CASR: variants seen among roughly 807,000 people sequenced by gnomAD.
CASR encodes the protein calcium sensing receptor, also known as extracellular calcium-sensing receptor.
In CASR, 23 loss-of-function variants were observed where a neutral mutation model predicts 69.1. The ratio of observed to expected loss-of-function variants is 0.33; its 90% CI spans 0.24 to 0.47. The LOEUF (loss-of-function observed/expected upper bound fraction) is 0.47, where lower values mean the gene tolerates loss of function less well. Among genes scored for constraint, CASR ranks in the 20% least tolerant of loss-of-function variants. The pLI is 1.00. For synonymous variants in CASR, 541 were observed against 544.7 expected (o/e 0.99, Z 0.10); for missense variants, 924 against 1,356.1 (o/e 0.68, Z 5.00).
intron 1 of CASR, among the ~76,000 whole-genome samples, chr3:122,252,446 A>AAAGAAAGAAAGAAAGAAAGAAAG (rs1171805148): frequency 2.9e-4 from 29 of 98,818 alleles, no homozygotes; most frequent in African/African-American, 1.2e-3. Flanking sequence ...AGAAAGAAAG[A>AAAGAAAGAAAGAAAGAAAGAAAG]AAAAAAAGAA....
chr3:122,229,609 C>A (rs564468240), intron 1 of CASR, among the ~76,000 whole-genome samples: 19 of 151,104 alleles, frequency 1.3e-4, no homozygotes, highest in African/African-American at 4.1e-4. Context: ...CACCTGTAAT[C>A]CCAGCATTTT....
intron 1 of CASR, among the ~76,000 whole-genome samples, chr3:122,240,903 G>T (rs2074373290): frequency 6.6e-6 from 1 of 151,924 alleles, no homozygotes; most frequent in South Asian, 2.1e-4. Context: ...ACAATCACAT[G>T]GAATTTAAAC....
At chr3:122,206,274 T>A (rs944671281) in intron 1 of CASR, among the ~76,000 whole-genome samples, 1 of 151,648 alleles carries the variant, frequency 6.6e-6, no homozygotes, top group Admixed American at 6.6e-5. Flanking sequence ...GAGGGTTTTT[T>A]TTTTTATCAT....
rs2075010939 is a variant in CASR, at chr3:122,291,387, A to T, written c.*6196A>T. On this transcript the variant is annotated 3_prime_UTR_variant, in exon 7 of 7. Coordinates refer to ENST00000639785, the MANE Select transcript of CASR (RefSeq NM_000388.4). ...CCTATTTCTCCACATCCTCTCCAGCACCTGTTGTTTCCTGACTTTTTAATG... is the reference window on the plus strand; with the variant it reads ...CCTATTTCTCCACATCCTCTCCAGCTCCTGTTGTTTCCTGACTTTTTAATG... The T allele has an allele frequency of 6.6e-6, 1 of 151,454 alleles. No individual in the cohort carries two copies. Among genetic ancestry groups the T allele is most frequent in the Non-Finnish European group, 1.5e-5 (1 of 67,820 alleles). 9.4% of individuals were successfully genotyped at this position (151,454 alleles called of 1,614,324 possible).
chr3:122,261,509 T>G lies in CASR; in HGVS notation c.493-19T>G, dbSNP rs201735609. On this transcript the variant is annotated intron_variant, in intron 3 of 6. Transcript: ENST00000639785. ...CACTCACTCACTCACTCATTCACCA[T>G]GTTCTTGGTTCTCTCCAGGTCAGTT... The G allele has an allele frequency of 7.4e-6, 12 of 1,612,916 alleles. No homozygotes were observed. The highest frequency in any genetic ancestry group is 1.0e-5 in the Non-Finnish European group (12 of 1,179,258).
At chr3:122,255,695 A>G (rs964070953) in intron 2 of CASR, among the ~76,000 whole-genome samples, 13 of 152,356 alleles carry the variant, frequency 8.5e-5, no homozygotes, top group Non-Finnish European at 1.6e-4. Context: ...ATGTAAAAAA[A>G]ATCTGTAATA....
chr3:122,273,846 A>G (rs1437207818), intron 4 of CASR, among the ~76,000 whole-genome samples: 1 of 152,146 alleles, frequency 6.6e-6, no homozygotes. Context: ...ATGTGTCAGG[A>G]AAAGGATGTG....
intron 1 of CASR, among the ~76,000 whole-genome samples, chr3:122,227,387 CGT>C (rs1275898013): frequency 1.3e-5 from 2 of 152,300 alleles, no homozygotes; most frequent in East Asian, 3.9e-4. Context: ...AGCTAAGGCC[CGT>C]GAGAAGTCGA....
At chr3:122,248,917 CTT>C (rs1336897873) in intron 1 of CASR, among the ~76,000 whole-genome samples, 1 of 152,174 alleles carries the variant, frequency 6.6e-6, no homozygotes, top group Admixed American at 6.5e-5. Flanking sequence ...CGTAGCTACT[CTT>C]TGGACAACAA....
chr3:122,209,267 A>G (rs938976897), intron 1 of CASR, among the ~76,000 whole-genome samples: 3 of 152,254 alleles, frequency 2.0e-5, no homozygotes, highest in Non-Finnish European at 4.4e-5. Context: ...GCCCAGGACC[A>G]GAAGGATTTA....
chr3:122,233,244 G>A (rs1226334693), intron 1 of CASR, among the ~76,000 whole-genome samples: 1 of 152,210 alleles, frequency 6.6e-6, no homozygotes, highest in Non-Finnish European at 1.5e-5. Context: ...CCCTGTCGGT[G>A]AGACACCCCA....
At chr3:122,252,405 AGGAAAAAG>A (rs2074498899) in intron 1 of CASR, among the ~76,000 whole-genome samples, 1 of 10,144 alleles carries the variant, frequency 9.9e-5, no homozygotes, top group South Asian at 2.2e-3. Context: ...GAAGGAAGGA[AGGAAAAAG>A]AAAGAAAGAA....
At chr3:122,265,887 C>T (rs2074687621) in intron 4 of CASR, among the ~76,000 whole-genome samples, 1 of 152,152 alleles carries the variant, frequency 6.6e-6, no homozygotes, top group African/African-American at 2.4e-5. Flanking sequence ...CTAGGAATTC[C>T]TGGTACTGCT....
intron 5 of CASR, among the ~76,000 whole-genome samples, chr3:122,277,420 G>T (rs897191989): frequency 6.6e-6 from 1 of 152,068 alleles, no homozygotes; most frequent in Admixed American, 6.5e-5. Flanking sequence ...AGGTTGACAG[G>T]TTCCTGATGA....
intron 1 of CASR, among the ~76,000 whole-genome samples, chr3:122,202,113 C>G (rs2073960903): frequency 1.3e-5 from 2 of 152,104 alleles, no homozygotes; most frequent in South Asian, 4.1e-4. Flanking sequence ...CGCCACTGCA[C>G]TCCAGCCTGG....
chr3:122,231,149 C>G (rs894918759), intron 1 of CASR, among the ~76,000 whole-genome samples: 1 of 152,156 alleles, frequency 6.6e-6, no homozygotes, highest in Non-Finnish European at 1.5e-5. Flanking sequence ...TGCAGCTAAT[C>G]CCATCCACCA....
chr3:122,197,375 T>G (rs1331052059), intron 1 of CASR, among the ~76,000 whole-genome samples: 1 of 152,194 alleles, frequency 6.6e-6, no homozygotes, highest in East Asian at 1.9e-4. Flanking sequence ...GCAGCCCTTA[T>G]TTTTTCCTCT....
chr3:122,261,026 G>A (rs2074615340), intron 3 of CASR, among the ~76,000 whole-genome samples: 2 of 152,136 alleles, frequency 1.3e-5, no homozygotes, highest in Non-Finnish European at 2.9e-5. Context: ...TAATCCATGG[G>A]GAACCCGATT....
At chr3:122,266,429 GT>G (rs2074695112) in intron 4 of CASR, among the ~76,000 whole-genome samples, 1 of 151,470 alleles carries the variant, frequency 6.6e-6, no homozygotes, top group African/African-American at 2.4e-5. Flanking sequence ...CTTTTTGTTT[GT>G]TTGTGTTTTG....
Sources: gnomAD v4.1 joint callset for allele counts (sites outside exome capture counted in the v4.1 genomes callset) on GRCh38, gnomAD v4.1.1 for gene constraint, MANE v1.5 for transcripts, NCBI Gene and HGNC (gene_info 2026-07-23, HGNC 2026-07-21) for gene names.